ASTN2: variants seen among roughly 807,000 people sequenced by gnomAD.
ASTN2 encodes astrotactin-2.
In ASTN2, 54 loss-of-function variants were observed where a neutral mutation model predicts 139.8. The ratio of observed to expected loss-of-function variants is 0.39; its 90% confidence interval spans 0.31 to 0.48. ASTN2 has a LOEUF of 0.48. ASTN2 is among the 20% of genes least tolerant of loss of function. The pLI, the probability that ASTN2 is intolerant of heterozygous loss-of-function variation, is 0.95. For synonymous variants in ASTN2, 756 were observed against 719.5 expected (o/e 1.05, Z -0.81); for missense variants, 1,565 against 1,725.1 (o/e 0.91, Z 1.64).
rs564379956 is a variant in ASTN2 at position 117,382,063 on chromosome 9, C to T, written c.442+32434G>A. Among the ~76,000 whole-genome samples, 169 of 152,210 alleles carry T rather than the reference C, an allele frequency of 1.1e-3. 1 individual carries two copies. The highest frequency in any genetic ancestry group is 4.0e-3 in the African/African-American group (166 of 41,542). On this transcript the variant is annotated intron_variant, in intron 1 of 22. Transcript: ENST00000313400. ...GGGCAGATCATGAGTACCCTTTAGG[C>T]TTGGTTTTTGTCCTCAGAATAATGG... is the stretch of plus-strand genomic sequence containing the variant.
At chr9:116,650,379 G>A (rs999637299) in intron 17 of ASTN2, among the ~76,000 whole-genome samples, 2 of 152,258 alleles carry the variant, frequency 1.3e-5, no homozygotes, top group Middle Eastern at 3.4e-3. Flanking sequence ...AATTAAAAGT[G>A]AGAGAACCGA....
intron 2 of ASTN2, among the ~76,000 whole-genome samples, chr9:117,260,866 T>C (rs1052320630): frequency 6.6e-6 from 1 of 152,122 alleles, no homozygotes; most frequent in Non-Finnish European, 1.5e-5. Context: ...AAATAATATA[T>C]AGCTTAAATT....
At chr9:117,127,940 A>G (rs536999782) in intron 4 of ASTN2, among the ~76,000 whole-genome samples, 58 of 152,076 alleles carry the variant, frequency 3.8e-4, no homozygotes, top group Non-Finnish European at 6.9e-4. Flanking sequence ...TCGGCCTCCC[A>G]AAGTGCTGGG....
intron 2 of ASTN2, among the ~76,000 whole-genome samples, chr9:117,284,847 C>G (rs776782376): frequency 1.3e-5 from 2 of 152,190 alleles, no homozygotes; most frequent in East Asian, 1.9e-4. Context: ...CCCACTACTA[C>G]CAAGTCAGTT....
At chr9:117,029,337 C>T (rs996105645) in intron 6 of ASTN2, among the ~76,000 whole-genome samples, 1 of 152,174 alleles carries the variant, frequency 6.6e-6, no homozygotes, top group Non-Finnish European at 1.5e-5. Flanking sequence ...ATAGGATGCA[C>T]TGACATGTGT....
intron 17 of ASTN2, among the ~76,000 whole-genome samples, chr9:116,645,267 G>A (rs803892): frequency 0.56 from 84,520 of 152,010 alleles, 24,164 homozygotes; most frequent in East Asian, 0.86. Context: ...GTTGTGCTGA[G>A]CCAAGCTCTG....
intron 10 of ASTN2, among the ~76,000 whole-genome samples, chr9:116,903,776 C>T (rs1834082992): frequency 6.6e-6 from 1 of 152,092 alleles, no homozygotes; most frequent in Non-Finnish European, 1.5e-5. Context: ...TGTTTTTTTC[C>T]ATGCAGAGGC....
chr9:116,841,534 C>A (rs1407437461), intron 11 of ASTN2, among the ~76,000 whole-genome samples: 1 of 152,090 alleles, frequency 6.6e-6, no homozygotes, highest in Non-Finnish European at 1.5e-5. Flanking sequence ...GCCACCATGC[C>A]CAGCAGTAGT....
At chr9:116,613,559 AG>A (rs1380199094) in intron 19 of ASTN2, 3 of 155,554 alleles carry the variant, frequency 1.9e-5, no homozygotes, top group East Asian at 3.9e-4. Flanking sequence ...CTGGGATGCA[AG>A]GCTGGTTCAA....
At chr9:116,793,671 T>G (rs1830613437) in intron 13 of ASTN2, among the ~76,000 whole-genome samples, 1 of 152,184 alleles carries the variant, frequency 6.6e-6, no homozygotes. Flanking sequence ...AACAGAATCT[T>G]AAATATGTTT....
At chr9:116,955,182 CT>C (rs1835675030) in intron 10 of ASTN2, among the ~76,000 whole-genome samples, 1 of 152,318 alleles carries the variant, frequency 6.6e-6, no homozygotes, top group East Asian at 1.9e-4. Flanking sequence ...CAGCTTCTTC[CT>C]TTGCAACAAC....
chr9:116,517,680 A>C (rs1850707118), intron 19 of ASTN2, among the ~76,000 whole-genome samples: 1 of 152,232 alleles, frequency 6.6e-6, no homozygotes, highest in African/African-American at 2.4e-5. Flanking sequence ...CAGAAAAAGA[A>C]TTCAGAGGGC....
chr9:116,778,397 T>TATTTA (rs2132199382), intron 13 of ASTN2, among the ~76,000 whole-genome samples: 1 of 22,674 alleles, frequency 4.4e-5, no homozygotes, highest in Admixed American at 8.1e-4. Flanking sequence ...AGGGGATTTT[T>TATTTA]ATTTATTTTA....
At chr9:117,369,789 T>G (rs1829941495) in intron 1 of ASTN2, among the ~76,000 whole-genome samples, 1 of 152,064 alleles carries the variant, frequency 6.6e-6, no homozygotes, top group African/African-American at 2.4e-5. Flanking sequence ...GGAAGATCAT[T>G]TGGTACTTTT....
intron 2 of ASTN2, among the ~76,000 whole-genome samples, chr9:117,215,221 A>T (rs1832274794): frequency 6.6e-6 from 1 of 152,126 alleles, no homozygotes; most frequent in Admixed American, 6.5e-5. Flanking sequence ...GAATGAGTTA[A>T]CTGAAAGATC....
chr9:116,566,574 CA>C (rs1853244177), intron 19 of ASTN2, among the ~76,000 whole-genome samples: 1 of 152,186 alleles, frequency 6.6e-6, no homozygotes, highest in Non-Finnish European at 1.5e-5. Flanking sequence ...TGACCTGGAT[CA>C]ACAGGATTTG....
At chr9:117,010,424 T>C (rs1188403248) in intron 6 of ASTN2, among the ~76,000 whole-genome samples, 1 of 152,186 alleles carries the variant, frequency 6.6e-6, no homozygotes. Context: ...TATTGAATTG[T>C]GTCCCAGGGC....
At chr9:117,357,338 A>G (rs564356440) in intron 1 of ASTN2, among the ~76,000 whole-genome samples, 1 of 152,246 alleles carries the variant, frequency 6.6e-6, no homozygotes, top group South Asian at 2.1e-4. Flanking sequence ...CCACAAAGGT[A>G]AAGGTGCCTA....
At chr9:116,880,533 C>T (rs1219084358) in intron 10 of ASTN2, among the ~76,000 whole-genome samples, 1 of 152,172 alleles carries the variant, frequency 6.6e-6, no homozygotes, top group Non-Finnish European at 1.5e-5. Flanking sequence ...CAAAAGCTTT[C>T]AGGGGTTTGC....
Sources: allele counts gnomAD v4.1 joint callset (sites outside exome capture counted in the v4.1 genomes callset), GRCh38; gene constraint gnomAD v4.1.1; transcripts MANE v1.5; gene names NCBI Gene and HGNC (gene_info 2026-07-23, HGNC 2026-07-21).